The following PRKG1 variants were observed in gnomAD, a reference collection of about 807,000 sequenced individuals.
The protein encoded by PRKG1 is cGMP-dependent protein kinase 1.
PRKG1 carries 35 observed loss-of-function variants against 88.1 expected under a neutral mutation model. The observed-to-expected ratio is 0.40, with a 90% CI of 0.30 to 0.53. The LOEUF is 0.53. Ranked by LOEUF, PRKG1 falls within the 20% of genes least tolerant of loss-of-function variation. The probability of loss-of-function intolerance (pLI) is 0.59; values close to 1 mark genes in which losing one functional copy is unlikely to be tolerated. For synonymous variants in PRKG1, 303 were observed against 292.5 expected (o/e 1.04, Z -0.37); for missense variants, 540 against 839.8 (o/e 0.64, Z 4.41).
At chr10:51,531,778 G>A (rs1226818915) in intron 3 of PRKG1, among the ~76,000 whole-genome samples, 2 of 150,160 alleles carry the variant, frequency 1.3e-5, no homozygotes, top group Non-Finnish European at 2.9e-5. Context: ...CTGAGTAGCT[G>A]GGATTACAGG....
intron 1 of PRKG1, among the ~76,000 whole-genome samples, chr10:51,110,652 C>T (rs1218271363): frequency 2.6e-5 from 4 of 151,746 alleles, no homozygotes; most frequent in African/African-American, 7.3e-5. Context: ...CAAAACTTAT[C>T]GATTTATATA....
chr10:51,450,244 A>T (rs963417300), intron 2 of PRKG1, among the ~76,000 whole-genome samples: 15 of 151,864 alleles, frequency 9.9e-5, no homozygotes, highest in South Asian at 2.1e-4. Flanking sequence ...AAGAAACAAA[A>T]TTTTTTTTAA....
intron 3 of PRKG1, among the ~76,000 whole-genome samples, chr10:51,550,373 T>C (rs1837098574): frequency 6.6e-6 from 1 of 152,072 alleles, no homozygotes; most frequent in Non-Finnish European, 1.5e-5. Context: ...TGCTGTCTTC[T>C]TTTTTAAAAT....
At chr10:52,066,812 G>A (rs187482238) in intron 7 of PRKG1, among the ~76,000 whole-genome samples, 8 of 152,184 alleles carry the variant, frequency 5.3e-5, no homozygotes, top group East Asian at 1.9e-4. Context: ...TAAACCAACA[G>A]ACCATTTCTG....
At chr10:51,959,393 T>C (rs1484177278) in intron 5 of PRKG1, among the ~76,000 whole-genome samples, 1 of 152,166 alleles carries the variant, frequency 6.6e-6, no homozygotes, top group Admixed American at 6.6e-5. Context: ...GAGTGTCATG[T>C]GGATAGTTCT....
chr10:51,119,677 T>C (rs1407406332), intron 1 of PRKG1, among the ~76,000 whole-genome samples: 1 of 152,086 alleles, frequency 6.6e-6, no homozygotes, highest in Non-Finnish European at 1.5e-5. Context: ...TCTAAAAATA[T>C]AATGACAATT....
intron 3 of PRKG1, among the ~76,000 whole-genome samples, chr10:51,803,761 T>C (rs1264013960): frequency 2.0e-5 from 3 of 152,170 alleles, no homozygotes; most frequent in Non-Finnish European, 1.5e-5. Flanking sequence ...TTTTATGTCA[T>C]GAAAATTTGA....
At chr10:51,979,193 G>T (rs1392012121) in intron 5 of PRKG1, among the ~76,000 whole-genome samples, 2 of 151,686 alleles carry the variant, frequency 1.3e-5, no homozygotes, top group Non-Finnish European at 2.9e-5. Flanking sequence ...TTATCCAAAG[G>T]CTTTTCAGCA....
At chr10:52,286,394 C>T (rs1327748629) in intron 14 of PRKG1, among the ~76,000 whole-genome samples, 4 of 151,950 alleles carry the variant, frequency 2.6e-5, no homozygotes, top group Non-Finnish European at 5.9e-5. Flanking sequence ...GACCCCAGGC[C>T]TTTCTCAAAA....
intron 3 of PRKG1, among the ~76,000 whole-genome samples, chr10:51,593,167 T>A (rs557407218): frequency 1.3e-5 from 2 of 152,242 alleles, no homozygotes; most frequent in Non-Finnish European, 2.9e-5. Flanking sequence ...ATTAGTTTAT[T>A]CTATTTTGCT....
intron 5 of PRKG1, among the ~76,000 whole-genome samples, chr10:51,928,938 C>G (rs1842632577): frequency 6.6e-6 from 1 of 152,096 alleles, no homozygotes. Context: ...TGCCCTTGGC[C>G]ACTCACTCTT....
At chr10:52,204,497 T>C (rs182972224) in intron 9 of PRKG1, among the ~76,000 whole-genome samples, 2 of 152,284 alleles carry the variant, frequency 1.3e-5, no homozygotes, top group East Asian at 3.9e-4. Context: ...AGACCATAAA[T>C]TGTGAAGATT....
chr10:51,574,538 G>A (rs537885304), intron 3 of PRKG1, among the ~76,000 whole-genome samples: 24 of 151,936 alleles, frequency 1.6e-4, no homozygotes, highest in Non-Finnish European at 3.4e-4. Context: ...TCACTCTGAT[G>A]TGTTAATATA....
intron 3 of PRKG1, among the ~76,000 whole-genome samples, chr10:51,621,207 T>C (rs943973701): frequency 6.6e-6 from 1 of 151,804 alleles, no homozygotes; most frequent in Non-Finnish European, 1.5e-5. Context: ...TCAGCTATTA[T>C]CAGACTGGTT....
At position 51,437,470 on chromosome 10, in the gene PRKG1, T is replaced by C. The variant is rs1838967071; in HGVS notation, c.479-30253T>C. ...TGCTTTATCTAATGGCCAGTATTTATGGTGTAGGTCCCTATCTTTCCACAT... is the reference window on the plus strand; with the variant it reads ...TGCTTTATCTAATGGCCAGTATTTACGGTGTAGGTCCCTATCTTTCCACAT... On this transcript the variant is annotated intron_variant, in intron 2 of 17. Coordinates refer to ENST00000373980, the MANE Select transcript of PRKG1 (RefSeq NM_006258.4). Among the ~76,000 whole-genome samples, 3 of 152,114 alleles carry C rather than the reference T, an allele frequency of 2.0e-5. No homozygotes were observed. In the South Asian group the frequency reaches 6.2e-4, roughly 32 times the overall value.
intron 3 of PRKG1, among the ~76,000 whole-genome samples, chr10:51,630,259 A>G (rs988772942): frequency 6.6e-6 from 1 of 152,170 alleles, no homozygotes; most frequent in Non-Finnish European, 1.5e-5. Context: ...AGAGCTGCAC[A>G]AACAGACATG....
At chr10:51,997,841 ATC>A (rs556774159) in intron 5 of PRKG1, among the ~76,000 whole-genome samples, 89 of 149,480 alleles carry the variant, frequency 6.0e-4, no homozygotes, top group Non-Finnish European at 1.1e-3. Context: ...TCCCCTCCCC[ATC>A]TCTCTCTTTT....
chr10:52,040,335 G>T (rs1049478897), intron 5 of PRKG1, among the ~76,000 whole-genome samples: 1 of 152,166 alleles, frequency 6.6e-6, no homozygotes, highest in South Asian at 2.1e-4. Flanking sequence ...TAAATTGTGT[G>T]ATTCCCTGTA....
intron 9 of PRKG1, among the ~76,000 whole-genome samples, chr10:52,171,961 C>A (rs1344165695): frequency 1.5e-4 from 23 of 150,500 alleles, no homozygotes; most frequent in Admixed American, 1.4e-3. Flanking sequence ...CGCCACCGCG[C>A]CCGGCTAATT....
Sources: gnomAD v4.1 joint callset for allele counts (sites outside exome capture counted in the v4.1 genomes callset) on GRCh38, gnomAD v4.1.1 for gene constraint, MANE v1.5 for transcripts, NCBI Gene and HGNC (gene_info 2026-07-23, HGNC 2026-07-21) for gene names.